The following CSNK1G1 variants were observed in gnomAD, a reference collection of about 807,000 sequenced individuals.
The protein encoded by CSNK1G1 is casein kinase I isoform gamma-1.
Under a neutral mutation model 59.6 loss-of-function variants are expected in CSNK1G1, and 22 were observed. The observed-to-expected ratio is 0.37, with a 90% CI of 0.26 to 0.53. CSNK1G1 has a LOEUF of 0.53. Among genes scored for constraint, CSNK1G1 ranks in the 20% least tolerant of loss-of-function variants. The pLI is 0.89. For synonymous variants in CSNK1G1, 179 were observed against 177.1 expected (o/e 1.01, Z -0.08); for missense variants, 384 against 519.5 (o/e 0.74, Z 2.54).
rs567965872 is a variant in CSNK1G1 at position 64,273,991 on chromosome 15, T to C, written c.182-14750A>G. 4.6e-5 allele frequency among the ~76,000 whole-genome samples: 7 copies of C among 152,352 alleles called. 1 individual carries two copies. In the South Asian group the frequency reaches 1.2e-3, roughly 27 times the overall value. On this transcript the variant is annotated intron_variant, in intron 2 of 11. Transcript: ENST00000303052. ...ACAAATTATAAAATGCTTCTTAGCT[T>C]CTATTTTCACATGTATATAAAAGAG...
At chr15:64,355,083 G>A (rs1334988347) in intron 1 of CSNK1G1, among the ~76,000 whole-genome samples, 18 of 152,180 alleles carry the variant, frequency 1.2e-4, no homozygotes, top group Non-Finnish European at 2.6e-4. Context: ...TTTACTGGCA[G>A]GTAAGAAAGA....
intron 2 of CSNK1G1, among the ~76,000 whole-genome samples, chr15:64,292,070 C>A (rs781282825): frequency 6.6e-6 from 1 of 151,792 alleles, no homozygotes; most frequent in Non-Finnish European, 1.5e-5. Context: ...ATTAGTCAGG[C>A]GTGGTGGCAG....
At chr15:64,258,759 T>C (rs897342488) in intron 3 of CSNK1G1, among the ~76,000 whole-genome samples, 1 of 152,204 alleles carries the variant, frequency 6.6e-6, no homozygotes, top group African/African-American at 2.4e-5. Flanking sequence ...AATATGACCA[T>C]ATGGTATGTT....
At chr15:64,308,740 C>CA in intron 1 of CSNK1G1, among the ~76,000 whole-genome samples, 1 of 151,908 alleles carries the variant, frequency 6.6e-6, no homozygotes, top group Admixed American at 6.6e-5. Context: ...ACTAAAAATA[C>CA]AAAAAAATTA....
intron 1 of CSNK1G1, among the ~76,000 whole-genome samples, chr15:64,319,152 C>G (rs1896428450): frequency 6.6e-6 from 1 of 152,106 alleles, no homozygotes. Flanking sequence ...CTGCGCCTGA[C>G]CTAAACTTAC....
intron 10 of CSNK1G1, among the ~76,000 whole-genome samples, chr15:64,194,462 A>G (rs1278556746): frequency 6.6e-6 from 1 of 151,712 alleles, no homozygotes; most frequent in Non-Finnish European, 1.5e-5. Context: ...GTCACTAAGC[A>G]TAACAGCACA....
At chr15:64,183,296 T>C (rs1013208745) in intron 10 of CSNK1G1, among the ~76,000 whole-genome samples, 4 of 152,236 alleles carry the variant, frequency 2.6e-5, no homozygotes, top group Non-Finnish European at 5.9e-5. Flanking sequence ...TTTTACAGAC[T>C]AGACATCTTG....
At chr15:64,224,624 T>C (rs1342101717) in intron 4 of CSNK1G1, among the ~76,000 whole-genome samples, 5 of 152,322 alleles carry the variant, frequency 3.3e-5, no homozygotes, top group African/African-American at 9.6e-5. Flanking sequence ...GCTGGTTTAA[T>C]AACAAAAACA....
At chr15:64,352,447 CTTTT>C (rs1165768581) in intron 1 of CSNK1G1, among the ~76,000 whole-genome samples, 33 of 89,412 alleles carry the variant, frequency 3.7e-4, no homozygotes, top group Non-Finnish European at 5.7e-4. Flanking sequence ...TTGAATTCTT[CTTTT>C]TTTTTTTTTT....
Position 64,200,014 on chromosome 15 carries a change from G to T in CSNK1G1, c.1107+3068C>A, listed in dbSNP as rs2082088055. On this transcript the variant is annotated intron_variant, in intron 10 of 11. Transcript: ENST00000303052. The surrounding 1 kb of genome is among the most constrained non-coding windows in gnomAD (Gnocchi z 4.3). ...AATTGCAGCACTTTGTGAGGCTGAG[G>T]CAGGTGGATCACCTGAGGTTAGGAG... Among the ~76,000 whole-genome samples the T allele has an allele frequency of 6.6e-6, 1 of 152,188 alleles. No individual in the cohort carries two copies. The highest frequency in any genetic ancestry group is 6.5e-5 in the Admixed American group (1 of 15,280).
chr15:64,219,669 A>G (rs2082359709), intron 4 of CSNK1G1, among the ~76,000 whole-genome samples: 2 of 152,094 alleles, frequency 1.3e-5, no homozygotes, highest in South Asian at 4.1e-4. Flanking sequence ...TATGTTGTCC[A>G]GGCTGGTCTT....
chr15:64,187,111 A>G (rs1172790851), intron 10 of CSNK1G1, among the ~76,000 whole-genome samples: 2 of 151,776 alleles, frequency 1.3e-5, no homozygotes, highest in African/African-American at 4.8e-5. Context: ...GCGAGCCACC[A>G]CGCCTGGCCA....
intron 2 of CSNK1G1, among the ~76,000 whole-genome samples, chr15:64,272,174 T>C (rs1349307311): frequency 2.0e-5 from 3 of 152,120 alleles, no homozygotes; most frequent in Non-Finnish European, 4.4e-5. Flanking sequence ...GAAGACAACA[T>C]ACTATTGGGT....
intron 1 of CSNK1G1, among the ~76,000 whole-genome samples, chr15:64,314,046 G>A (rs977884623): frequency 6.6e-6 from 1 of 152,026 alleles, no homozygotes; most frequent in African/African-American, 2.4e-5. Context: ...AAATCGGGAC[G>A]ATGCTACATA....
At chr15:64,284,096 T>C (rs1030406404) in intron 2 of CSNK1G1, among the ~76,000 whole-genome samples, 1 of 152,206 alleles carries the variant, frequency 6.6e-6, no homozygotes, top group African/African-American at 2.4e-5. Context: ...AAAATAATTA[T>C]TGTTTCCCCA....
At chr15:64,321,608 G>T (rs557343923) in intron 1 of CSNK1G1, among the ~76,000 whole-genome samples, 1 of 152,216 alleles carries the variant, frequency 6.6e-6, no homozygotes. Context: ...AAAGAGAAAT[G>T]GCCATAATAT....
chr15:64,214,109 A>G lies in CSNK1G1; in HGVS notation c.460T>C (p.Tyr154His), dbSNP rs1596104058. The stretch of plus-strand genomic sequence containing the variant: ...TAAATGAGGTTCTTTGAGTGCACGT[A>G]TTCCATTCGAGAAAGCTGAAAGAGA... ...IAIQLLSRME[Y>H]VHSKNLIYRD... Residue 154 changes from tyrosine to histidine, a missense_variant, in exon 6 of 12, where the codon TAC becomes CAC. This residue lies in a region of CSNK1G1 where 325 missense variants were observed against 440.9 expected (regional missense o/e 0.74). Coordinates refer to ENST00000303052, the MANE Select transcript of CSNK1G1 (RefSeq NM_022048.5). This position sits in a 1 kb window ranked among gnomAD's most constrained non-coding sequence, Gnocchi z 4.3. 6.2e-7 allele frequency: 1 copy of G among 1,612,900 alleles called. No individual in the cohort carries two copies. The highest frequency in any genetic ancestry group is 8.5e-7 in the Non-Finnish European group (1 of 1,178,902).
chr15:64,272,141 T>C (rs528630089), intron 2 of CSNK1G1, among the ~76,000 whole-genome samples: 4 of 152,312 alleles, frequency 2.6e-5, no homozygotes, highest in African/African-American at 9.6e-5. Flanking sequence ...CCTACGGATA[T>C]CATTACATGA....
chr15:64,256,621 AT>A (rs374189649), intron 3 of CSNK1G1, among the ~76,000 whole-genome samples: 1 of 151,758 alleles, frequency 6.6e-6, no homozygotes, highest in Non-Finnish European at 1.5e-5. Context: ...AGCACAGGAG[AT>A]TTTTTTTTAA....
Sources: allele counts gnomAD v4.1 joint callset (sites outside exome capture counted in the v4.1 genomes callset), GRCh38; gene constraint gnomAD v4.1.1; regional missense constraint gnomAD v4.1.1; non-coding constraint Gnocchi (gnomAD v3.1); transcripts MANE v1.5; gene names NCBI Gene and HGNC (gene_info 2026-07-23, HGNC 2026-07-21).